CYTIP: variants seen among roughly 807,000 people sequenced by gnomAD.
CYTIP encodes the protein cytohesin-interacting protein.
Under a neutral mutation model 43.8 loss-of-function variants are expected in CYTIP, and 26 were observed. The observed-to-expected ratio is 0.59, with a 90% CI of 0.44 to 0.82. The LOEUF is 0.82. Among genes scored for constraint, CYTIP ranks in the 40% least tolerant of loss-of-function variants. The pLI, the probability that CYTIP is intolerant of heterozygous loss-of-function variation, is 0.00. For missense variants in CYTIP, 426 were observed against 443.1 expected (o/e 0.96, Z 0.35); for synonymous variants, 162 against 162.9 (o/e 0.99, Z 0.04).
chr2:157,442,336 G>A (rs1685931051), intron 1 of CYTIP, among the ~76,000 whole-genome samples: 1 of 152,074 alleles, frequency 6.6e-6, no homozygotes, highest in Non-Finnish European at 1.5e-5. Flanking sequence ...CTGTCTCCTT[G>A]TAGGTGCTCA....
intron 1 of CYTIP, among the ~76,000 whole-genome samples, chr2:157,438,336 G>C (rs1295899022): frequency 2.6e-5 from 4 of 152,156 alleles, no homozygotes; most frequent in Non-Finnish European, 2.9e-5. Flanking sequence ...TGATCTCATA[G>C]AAGTAAAAAG....
chr2:157,427,645 C>T (rs1462520413), intron 5 of CYTIP, among the ~76,000 whole-genome samples: 1 of 152,184 alleles, frequency 6.6e-6, no homozygotes, highest in East Asian at 1.9e-4. Context: ...GAGAAGGTGG[C>T]TAAAAGAAAG....
At chr2:157,441,601 CAT>C (rs1471763358) in intron 1 of CYTIP, among the ~76,000 whole-genome samples, 4 of 33,862 alleles carry the variant, frequency 1.2e-4, no homozygotes, top group Non-Finnish European at 1.6e-4. Context: ...TATATATGCA[CAT>C]ACACACACAC....
chr2:157,440,276 A>T (rs1685884993), intron 1 of CYTIP, among the ~76,000 whole-genome samples: 1 of 152,198 alleles, frequency 6.6e-6, no homozygotes, highest in Non-Finnish European at 1.5e-5. Context: ...CTATTCAAAG[A>T]TGCAACAAAA....
At chr2:157,429,102 C>T (rs1408501866) in intron 5 of CYTIP, among the ~76,000 whole-genome samples, 3 of 152,192 alleles carry the variant, frequency 2.0e-5, no homozygotes, top group Non-Finnish European at 4.4e-5. Context: ...ATATATGACC[C>T]ACCTCAATCA....
At position 157,430,538 on chromosome 2, in the gene CYTIP, G is replaced by A. The variant is rs370533583; in HGVS notation, c.476+21C>T. The A allele has an allele frequency of 3.7e-5, 59 of 1,603,412 alleles. No individual in the cohort carries two copies. In the East Asian group the frequency reaches 6.2e-4, roughly 17 times the overall value. On this transcript the variant is annotated intron_variant, in intron 5 of 7. Coordinates refer to ENST00000264192, the MANE Select transcript of CYTIP (RefSeq NM_004288.5). ...AAAACATAACATTTTGAAGCCCCAC[G>A]GGAACTAGACAGATAGTTACGTTAG...
chr2:157,435,613 T>C (rs1312324174), intron 1 of CYTIP, among the ~76,000 whole-genome samples: 1 of 152,152 alleles, frequency 6.6e-6, no homozygotes, highest in African/African-American at 2.4e-5. Context: ...CAGCAGGTTT[T>C]TGTGTTTTTT....
At chr2:157,427,518 G>C in intron 5 of CYTIP, 98 bp from the exon 6 acceptor site, 2 of 814,646 alleles carry the variant, frequency 2.5e-6, no homozygotes, top group Middle Eastern at 2.7e-4. Flanking sequence ...TACACTTTGA[G>C]CACATACTAT....
chr2:157,420,005 T>C (rs1024648838), intron 6 of CYTIP, among the ~76,000 whole-genome samples: 2 of 152,224 alleles, frequency 1.3e-5, no homozygotes, highest in African/African-American at 4.8e-5. Context: ...AACTTCTTGT[T>C]CTTTCTGTAC....
chr2:157,418,599 TAAAAA>T lies in CYTIP; in HGVS notation c.547-15_547-11del. 3.0e-6 allele frequency: 4 copies of T among 1,355,090 alleles called. No individual in the cohort carries two copies. The highest frequency in any genetic ancestry group is 3.0e-5 in the South Asian group (2 of 66,018). 83.9% of individuals were successfully genotyped at this position (1,355,090 alleles called of 1,614,324 possible). On this transcript the variant is annotated splice_polypyrimidine_tract_variant and intron_variant, in intron 6 of 7. Transcript: ENST00000264192. Reference sequence around the variant, plus strand: ...TTTGTTTCAAAGTTTGCTGTGAGATTAAAAAAAAAAAAAAAAAGTTTTTATTATTA... The same window carrying T: ...TTTGTTTCAAAGTTTGCTGTGAGATTAAAAAAAAAAAAGTTTTTATTATTA...
At position 157,443,985 on chromosome 2, in the gene CYTIP, A is replaced by T. The variant is rs1376944876; in HGVS notation, c.36T>A (p.Asn12Lys). 8 of 1,613,956 alleles carry T rather than the reference A, an allele frequency of 5.0e-6. No individual in the cohort carries two copies. The highest frequency in any genetic ancestry group is 6.8e-6 in the Non-Finnish European group (8 of 1,179,940). The change falls in exon 1 of 8, where the codon AAT (asparagine) becomes AAA (lysine). Residue 12 changes from asparagine to lysine, a missense_variant. By Grantham distance (94) the Asn-to-Lys change is moderately conservative. Coordinates refer to ENST00000264192, the MANE Select transcript of CYTIP (RefSeq NM_004288.5). Reference sequence around the variant, plus strand: ...CAGCGCAGAAGTCCGCCAAATTGCCATTGCTGCTGTGTTGCAGGAGCCTTT... The same window carrying T: ...CAGCGCAGAAGTCCGCCAAATTGCCTTTGCTGCTGTGTTGCAGGAGCCTTT... Reference protein sequence around the residue: ...SLQRLLQHSSNGNLADFCAGP... With the variant: ...SLQRLLQHSSKGNLADFCAGP...
intron 1 of CYTIP, among the ~76,000 whole-genome samples, chr2:157,439,677 G>A (rs901843494): frequency 4.6e-5 from 7 of 152,196 alleles, no homozygotes; most frequent in African/African-American, 1.4e-4. Context: ...TCTAATATGA[G>A]AAATCTAGGT....
At chr2:157,420,379 G>A (rs1685502800) in intron 6 of CYTIP, among the ~76,000 whole-genome samples, 1 of 152,098 alleles carries the variant, frequency 6.6e-6, no homozygotes, top group Non-Finnish European at 1.5e-5. Context: ...AGCTGGGTGT[G>A]ATGGCAGGCA....
intron 1 of CYTIP, among the ~76,000 whole-genome samples, chr2:157,435,511 A>T (rs578167639): frequency 6.6e-6 from 1 of 152,346 alleles, no homozygotes; most frequent in Admixed American, 6.5e-5. Context: ...TTTGGAAAAG[A>T]TCATATAAAC....
intron 1 of CYTIP, among the ~76,000 whole-genome samples, chr2:157,440,296 T>C (rs1162762830): frequency 1.3e-5 from 2 of 152,188 alleles, no homozygotes; most frequent in African/African-American, 4.8e-5. Context: ...ATAATGGAGC[T>C]GAACTTAATT....
At chr2:157,428,393 T>C (rs1268824966) in intron 5 of CYTIP, among the ~76,000 whole-genome samples, 3 of 152,216 alleles carry the variant, frequency 2.0e-5, no homozygotes, top group Non-Finnish European at 4.4e-5. Context: ...AATAATCAGG[T>C]GGTAGCAAGC....
chr2:157,422,670 CA>C (rs967207257), intron 6 of CYTIP, among the ~76,000 whole-genome samples: 6,349 of 64,510 alleles, frequency 0.098, 110 homozygotes, highest in Middle Eastern at 0.17. Context: ...AACTCTGTCT[CA>C]AAAAAAAAAA....
rs140241839 is a variant in CYTIP at position 157,415,676 on chromosome 2, G to C, written c.*1C>G. On this transcript the variant is annotated 3_prime_UTR_variant, in exon 8 of 8. Transcript: ENST00000264192. ...CTAATTTGAAAGGACACCACAATCC[G>C]TCAAAAGCGACTTTCTTCCTCTTCC... 1 of 1,594,704 alleles carries C rather than the reference G, an allele frequency of 6.3e-7. No individual in the cohort carries two copies. Among genetic ancestry groups the C allele is most frequent in the Non-Finnish European group, 8.6e-7 (1 of 1,166,960 alleles).
At position 157,415,246 on chromosome 2, in the gene CYTIP, C is replaced by G. The variant is rs3739114; in HGVS notation, c.*431G>C. On this transcript the variant is annotated 3_prime_UTR_variant, in exon 8 of 8. Coordinates refer to ENST00000264192, the MANE Select transcript of CYTIP (RefSeq NM_004288.5). Reference sequence around the variant, plus strand: ...TATTATTAAGCCTCCGCAGGAGCTACTGGGCATAAGCAAACCTAAGATTTT... The same window carrying G: ...TATTATTAAGCCTCCGCAGGAGCTAGTGGGCATAAGCAAACCTAAGATTTT... The G allele has an allele frequency of 3.2e-3, 507 of 160,102 alleles. 13 individuals carry two copies. The East Asian group carries it at 0.071, about 22-fold the overall frequency. 9.9% of individuals were successfully genotyped at this position (160,102 alleles called of 1,614,324 possible).
Sources: gnomAD v4.1 joint callset for allele counts (sites outside exome capture counted in the v4.1 genomes callset) on GRCh38, gnomAD v4.1.1 for gene constraint, MANE v1.5 for transcripts, NCBI Gene and HGNC (gene_info 2026-07-23, HGNC 2026-07-21) for gene names.